POU6F2: variants seen among roughly 807,000 people sequenced by gnomAD.
POU6F2 encodes POU class 6 homeobox 2.
POU6F2 carries 31 observed loss-of-function variants against 71.3 expected under a neutral mutation model. The ratio of observed to expected loss-of-function variants is 0.43; its 90% CI spans 0.33 to 0.59. The LOEUF (loss-of-function observed/expected upper bound fraction) is 0.59. Ranked by LOEUF, POU6F2 falls within the 20% of genes least tolerant of loss-of-function variation. The pLI is 0.04. For synonymous variants in POU6F2, 347 were observed against 355.7 expected, an observed-to-expected ratio of 0.98 and a Z score of 0.27; for missense variants, 783 against 856.8, an observed-to-expected ratio of 0.91 and a Z score of 1.07.
intron 4 of POU6F2, among the ~76,000 whole-genome samples, chr7:39,277,243 TAAA>T (rs1784459728): frequency 6.6e-6 from 1 of 152,192 alleles, no homozygotes; most frequent in Admixed American, 6.5e-5. Flanking sequence ...AACACATTTT[TAAA>T]TTTAAATTTA....
chr7:39,113,747 C>T (rs1347248594), intron 2 of POU6F2, among the ~76,000 whole-genome samples: 2 of 152,134 alleles, frequency 1.3e-5, no homozygotes, highest in Non-Finnish European at 2.9e-5. Context: ...CTCATTTCCA[C>T]AAAATCTACC....
intron 5 of POU6F2, among the ~76,000 whole-genome samples, chr7:39,379,491 C>T (rs1191364374): frequency 6.6e-6 from 1 of 152,148 alleles, no homozygotes; most frequent in African/African-American, 2.4e-5. Flanking sequence ...TTTCACCTCC[C>T]TTCCTCAAGC....
At chr7:39,043,690 G>A (rs576229060) in intron 1 of POU6F2, among the ~76,000 whole-genome samples, 33 of 152,028 alleles carry the variant, frequency 2.2e-4, no homozygotes, top group African/African-American at 7.2e-4. Context: ...TAGCATTTAC[G>A]GTTGTTCAGT....
chr7:39,129,240 C>T (rs1792205380), intron 2 of POU6F2, among the ~76,000 whole-genome samples: 1 of 152,108 alleles, frequency 6.6e-6, no homozygotes, highest in Non-Finnish European at 1.5e-5. Flanking sequence ...TTAGCAACTC[C>T]AAAGATGTGA....
chr7:39,195,460 A>T (rs1011835121), intron 2 of POU6F2, among the ~76,000 whole-genome samples: 1 of 152,168 alleles, frequency 6.6e-6, no homozygotes, highest in African/African-American at 2.4e-5. Flanking sequence ...CAGCGTTCAG[A>T]CTTCTGGAAG....
intron 1 of POU6F2, among the ~76,000 whole-genome samples, chr7:39,075,054 G>A (rs978566830): frequency 3.3e-5 from 5 of 152,118 alleles, no homozygotes; most frequent in African/African-American, 4.8e-5. Flanking sequence ...CTCTGGCACC[G>A]TGGGACTGGG....
intron 6 of POU6F2, among the ~76,000 whole-genome samples, chr7:39,415,359 C>T (rs1787649790): frequency 6.6e-6 from 1 of 152,142 alleles, no homozygotes; most frequent in African/African-American, 2.4e-5. Flanking sequence ...ATTTCGTTTT[C>T]CTGGGAATTG....
chr7:39,030,145 GGTGT>G (rs766024731), intron 1 of POU6F2, among the ~76,000 whole-genome samples: 1 of 151,688 alleles, frequency 6.6e-6, no homozygotes, highest in African/African-American at 2.4e-5. Flanking sequence ...GTCAATGTGT[GGTGT>G]GTGTGTTTGT....
chr7:39,067,703 A>T (rs931419194), intron 1 of POU6F2, among the ~76,000 whole-genome samples: 21 of 152,270 alleles, frequency 1.4e-4, no homozygotes, highest in African/African-American at 4.6e-4. Flanking sequence ...TTTTATAATT[A>T]TTGCTTTTAT....
chr7:39,002,320 T>C (rs1319512340), intron 1 of POU6F2, among the ~76,000 whole-genome samples: 1 of 146,714 alleles, frequency 6.8e-6, no homozygotes, highest in Non-Finnish European at 1.5e-5. Flanking sequence ...TGCCTTGAGG[T>C]TAGTGATTTA....
chr7:39,289,736 G>A (rs1784716010), intron 4 of POU6F2, among the ~76,000 whole-genome samples: 1 of 152,146 alleles, frequency 6.6e-6, no homozygotes, highest in African/African-American at 2.4e-5. Context: ...CTTGGTTTTG[G>A]TAGTCGATTA....
chr7:39,437,296 A>C (rs984991312), intron 7 of POU6F2, among the ~76,000 whole-genome samples: 4 of 152,174 alleles, frequency 2.6e-5, no homozygotes, highest in African/African-American at 4.8e-5. Flanking sequence ...CCTCAATTTC[A>C]GAACTTGTTA....
chr7:39,063,419 C>T (rs746668848), intron 1 of POU6F2, among the ~76,000 whole-genome samples: 11 of 152,064 alleles, frequency 7.2e-5, no homozygotes, highest in East Asian at 1.9e-4. Flanking sequence ...AGTGACAAAT[C>T]GAAATTCACA....
intron 4 of POU6F2, among the ~76,000 whole-genome samples, chr7:39,242,404 C>T (rs758776871): frequency 7.4e-4 from 109 of 146,574 alleles, no homozygotes; most frequent in Middle Eastern, 3.5e-3. Context: ...CTTTTCTTGT[C>T]TTTAGTTTAG....
chr7:39,165,321 G>T (rs1399329732), intron 2 of POU6F2, among the ~76,000 whole-genome samples: 2 of 152,134 alleles, frequency 1.3e-5, no homozygotes, highest in Non-Finnish European at 2.9e-5. Context: ...TGAAGACCAT[G>T]AATTTATTTC....
intron 4 of POU6F2, among the ~76,000 whole-genome samples, chr7:39,224,466 C>T (rs1334907727): frequency 1.3e-5 from 2 of 151,812 alleles, no homozygotes; most frequent in Admixed American, 6.6e-5. Flanking sequence ...GTTATGTCTT[C>T]TTAGCTAAAT....
chr7:39,464,567 G>T lies in POU6F2; in HGVS notation c.2044G>T (p.Val682Phe). 1 of 1,612,760 alleles carries T rather than the reference G, an allele frequency of 6.2e-7. No homozygotes were observed. The highest frequency in any genetic ancestry group is 8.5e-7 in the Non-Finnish European group (1 of 1,179,390). Residue 682 changes from valine to phenylalanine, a missense_variant, in exon 10 of 10, where the codon GTT becomes TTT. Physicochemically the swap from Val to Phe is conservative, Grantham distance 50. Transcript: ENST00000518318. The surrounding 1 kb of genome is among the most constrained non-coding windows in gnomAD (Gnocchi z 4.1). ...KLNYDREVVRVWFCNKRQALK... is the reference protein window; with the variant it reads ...KLNYDREVVRFWFCNKRQALK... ...GAACTATGACCGAGAAGTAGTTAGA[G>T]TTTGGTTCTGCAATAAGAGGCAAGC...
intron 4 of POU6F2, among the ~76,000 whole-genome samples, chr7:39,221,987 G>A (rs1336367122): frequency 2.0e-5 from 3 of 150,814 alleles, no homozygotes; most frequent in South Asian, 2.1e-4. Flanking sequence ...TTTTTTTCTG[G>A]GATTAAAAAA....
At chr7:39,162,595 A>G (rs1386520579) in intron 2 of POU6F2, among the ~76,000 whole-genome samples, 2 of 152,162 alleles carry the variant, frequency 1.3e-5, no homozygotes, top group African/African-American at 2.4e-5. Flanking sequence ...TGTGAGTCCA[A>G]TGGAGCCATA....
Sources: allele counts gnomAD v4.1 joint callset (sites outside exome capture counted in the v4.1 genomes callset), GRCh38; gene constraint gnomAD v4.1.1; non-coding constraint Gnocchi (gnomAD v3.1); transcripts MANE v1.5; gene names NCBI Gene and HGNC (gene_info 2026-07-23, HGNC 2026-07-21).